DOCK3: variants seen among roughly 807,000 people sequenced by gnomAD.
DOCK3 encodes the protein dedicator of cytokinesis 3, also known as dedicator of cytokinesis protein 3.
Under a neutral mutation model 265.6 loss-of-function variants are expected in DOCK3, and 60 were observed. The ratio of observed to expected loss-of-function variants is 0.23; its 90% CI spans 0.18 to 0.28. DOCK3 has a LOEUF of 0.28. Ranked by LOEUF, DOCK3 falls within the 10% of genes least tolerant of loss-of-function variation. DOCK3 has a pLI of 1.00. For missense variants in DOCK3, 1,981 were observed against 2,594.3 expected (o/e 0.76, Z 5.14); for synonymous variants, 881 against 938.0 (o/e 0.94, Z 1.11).
chr3:50,679,057 C>T (rs2034197271), intron 1 of DOCK3, among the ~76,000 whole-genome samples: 1 of 152,222 alleles, frequency 6.6e-6, no homozygotes, highest in Non-Finnish European at 1.5e-5. Context: ...TTGTGATCCG[C>T]TCGCCTCGGC....
intron 1 of DOCK3, among the ~76,000 whole-genome samples, chr3:50,749,510 G>C (rs2039654161): frequency 6.6e-6 from 1 of 152,158 alleles, no homozygotes; most frequent in African/African-American, 2.4e-5. Context: ...GAGTGGCTTA[G>C]TAAGGATAGA....
intron 12 of DOCK3, among the ~76,000 whole-genome samples, chr3:51,165,836 A>C (rs893994205): frequency 6.6e-6 from 1 of 151,944 alleles, no homozygotes; most frequent in Admixed American, 6.6e-5. Context: ...TTTTAATTCT[A>C]TACCATTATT....
intron 2 of DOCK3, among the ~76,000 whole-genome samples, chr3:50,836,440 A>C (rs2045515149): frequency 6.6e-6 from 1 of 152,208 alleles, no homozygotes; most frequent in Admixed American, 6.5e-5. Context: ...CCACCCTCTG[A>C]AGCAGCAGCC....
intron 3 of DOCK3, among the ~76,000 whole-genome samples, chr3:50,848,462 G>GTT (rs1311457623): frequency 6.6e-6 from 1 of 152,138 alleles, no homozygotes; most frequent in Non-Finnish European, 1.5e-5. Context: ...AACTCTTAAG[G>GTT]ATCTCCTGTA....
At chr3:51,202,621 C>T (rs1301106200) in intron 12 of DOCK3, among the ~76,000 whole-genome samples, 1 of 152,102 alleles carries the variant, frequency 6.6e-6, no homozygotes, top group Non-Finnish European at 1.5e-5. Context: ...CCTTCTGAAA[C>T]TATTCCAAAC....
At chr3:51,302,044 CTAT>C (rs1474749921) in intron 27 of DOCK3, among the ~76,000 whole-genome samples, 2 of 152,102 alleles carry the variant, frequency 1.3e-5, no homozygotes, top group East Asian at 3.8e-4. Flanking sequence ...AAGTCTCCCA[CTAT>C]TATTGTGTGT....
At chr3:51,065,387 A>T (rs1044856433) in intron 6 of DOCK3, among the ~76,000 whole-genome samples, 7 of 152,162 alleles carry the variant, frequency 4.6e-5, no homozygotes, top group African/African-American at 7.2e-5. Context: ...AATGAAATCT[A>T]TGAGCCCATT....
intron 5 of DOCK3, among the ~76,000 whole-genome samples, chr3:51,019,933 A>C (rs1316038668): frequency 6.6e-6 from 1 of 151,858 alleles, no homozygotes; most frequent in Non-Finnish European, 1.5e-5. Context: ...TACTGCAGTG[A>C]ACATATATGT....
intron 27 of DOCK3, among the ~76,000 whole-genome samples, chr3:51,309,359 A>T (rs2082917506): frequency 2.0e-5 from 3 of 152,220 alleles, no homozygotes; most frequent in Non-Finnish European, 4.4e-5. Flanking sequence ...AGGCTGGCGG[A>T]TCACTTGCGG....
chr3:51,223,795 A>C (rs1438485644), intron 14 of DOCK3, among the ~76,000 whole-genome samples: 1 of 152,210 alleles, frequency 6.6e-6, no homozygotes, highest in African/African-American at 2.4e-5. Flanking sequence ...AGTTCTGTTA[A>C]GTTTGGATTT....
chr3:50,700,975 A>G (rs549541186), intron 1 of DOCK3, among the ~76,000 whole-genome samples: 5 of 152,200 alleles, frequency 3.3e-5, no homozygotes, highest in South Asian at 2.1e-4. Flanking sequence ...TGTCTTTTTG[A>G]TAATAGCCAT....
At position 50,716,011 on chromosome 3, in the gene DOCK3, C is replaced by G. The variant is rs546511805; in HGVS notation, c.37+40711C>G. On this transcript the variant is annotated intron_variant, in intron 1 of 52. Coordinates refer to ENST00000266037, the MANE Select transcript of DOCK3 (RefSeq NM_004947.5). Reference sequence around the variant, plus strand: ...TACACTAGGTGTTTATAATTATATCCTAAGCAAGATCATTATTCTTTGAAA... The same window carrying G: ...TACACTAGGTGTTTATAATTATATCGTAAGCAAGATCATTATTCTTTGAAA... Among the ~76,000 whole-genome samples, 3 of 151,948 alleles carry G rather than the reference C, an allele frequency of 2.0e-5. No individual in the cohort carries two copies. The East Asian group carries it at 5.8e-4, about 29-fold the overall frequency.
chr3:51,154,566 C>T (rs955161943), intron 10 of DOCK3, among the ~76,000 whole-genome samples: 16 of 152,166 alleles, frequency 1.1e-4, no homozygotes, highest in African/African-American at 3.6e-4. Context: ...AGACACCCAC[C>T]TTCTAGAATG....
At chr3:51,241,406 G>A (rs1268040095) in intron 21 of DOCK3, among the ~76,000 whole-genome samples, 2 of 152,144 alleles carry the variant, frequency 1.3e-5, no homozygotes, top group Non-Finnish European at 2.9e-5. Flanking sequence ...TCTTGGAGAT[G>A]ATCTTCTTGT....
At chr3:51,172,523 T>G (rs2086733777) in intron 12 of DOCK3, among the ~76,000 whole-genome samples, 1 of 152,230 alleles carries the variant, frequency 6.6e-6, no homozygotes, top group Non-Finnish European at 1.5e-5. Context: ...GGTGAGTCTC[T>G]TATAGGCAGC....
At chr3:50,842,429 A>C (rs1211285858) in intron 3 of DOCK3, among the ~76,000 whole-genome samples, 1 of 152,162 alleles carries the variant, frequency 6.6e-6, no homozygotes, top group Non-Finnish European at 1.5e-5. Context: ...TCTAATAATC[A>C]GTTTTGCCAG....
intron 23 of DOCK3, among the ~76,000 whole-genome samples, chr3:51,266,148 A>G (rs1388275614): frequency 1.3e-5 from 2 of 152,180 alleles, no homozygotes; most frequent in Admixed American, 6.5e-5. Flanking sequence ...TTGAAGGAGA[A>G]CTACAAACCA....
chr3:51,069,161 G>A (rs914332905), intron 6 of DOCK3, among the ~76,000 whole-genome samples: 7 of 152,160 alleles, frequency 4.6e-5, no homozygotes, highest in Middle Eastern at 3.4e-3. Flanking sequence ...GATAGAAACC[G>A]CACTTTCTAC....
chr3:50,873,825 A>C (rs1209400129), intron 3 of DOCK3, among the ~76,000 whole-genome samples: 1 of 152,144 alleles, frequency 6.6e-6, no homozygotes, highest in Non-Finnish European at 1.5e-5. Context: ...GCTCTAATGG[A>C]ACAGCTTTGA....
Sources: allele counts gnomAD v4.1 joint callset (sites outside exome capture counted in the v4.1 genomes callset), GRCh38; gene constraint gnomAD v4.1.1; transcripts MANE v1.5; gene names NCBI Gene and HGNC (gene_info 2026-07-23, HGNC 2026-07-21).